The following VTI1B variants were observed in gnomAD, a reference collection of about 807,000 sequenced individuals.
VTI1B encodes the protein vesicle transport through interaction with t-SNAREs homolog 1B.
In VTI1B, 18 loss-of-function variants were observed where a neutral mutation model predicts 28.6. The observed-to-expected ratio is 0.63, with a 90% CI of 0.43 to 0.93. The LOEUF is 0.93. Ranked by LOEUF, VTI1B falls within the 40% of genes least tolerant of loss-of-function variation. VTI1B has a pLI of 0.00. For missense variants in VTI1B, 283 were observed against 297.0 expected (o/e 0.95, Z 0.35); for synonymous variants, 100 against 107.9 (o/e 0.93, Z 0.46).
intron 2 of VTI1B, among the ~76,000 whole-genome samples, chr14:67,661,278 C>CAAAAA (rs1208811725): frequency 1.6e-4 from 9 of 56,448 alleles, no homozygotes; most frequent in East Asian, 6.6e-4. Context: ...AGGGCTAGAG[C>CAAAAA]AAAAAAAAAA....
intron 5 of VTI1B, among the ~76,000 whole-genome samples, chr14:67,652,825 G>A (rs1475423683): frequency 2.6e-5 from 4 of 151,866 alleles, no homozygotes; most frequent in East Asian, 1.9e-4. Context: ...ACGGAGTCTC[G>A]CTTTGTCCCC....
At chr14:67,673,435 C>T (rs2140039917) in intron 1 of VTI1B, among the ~76,000 whole-genome samples, 1 of 152,308 alleles carries the variant, frequency 6.6e-6, no homozygotes, top group Admixed American at 6.5e-5. Flanking sequence ...TTAACACTGC[C>T]TCTTAATAGT....
At chr14:67,655,437 T>C (rs552413642) in intron 4 of VTI1B, among the ~76,000 whole-genome samples, 12 of 152,318 alleles carry the variant, frequency 7.9e-5, no homozygotes, top group African/African-American at 2.6e-4. Flanking sequence ...ATCCCTGATA[T>C]AGTCATCATT....
chr14:67,659,384 A>G (rs2037307087), intron 3 of VTI1B, among the ~76,000 whole-genome samples: 1 of 152,218 alleles, frequency 6.6e-6, no homozygotes, highest in Non-Finnish European at 1.5e-5. Context: ...AATAAAAAAG[A>G]TCAAGGAGAA....
intron 4 of VTI1B, 140 bp downstream of exon 4, chr14:67,656,276 T>C: frequency 2.4e-6 from 2 of 824,232 alleles, no homozygotes. Flanking sequence ...TAAATAAAAA[T>C]TGAGAAAAGC....
At chr14:67,662,587 T>C (rs775614551) in intron 1 of VTI1B, 52 bp from the exon 2 acceptor site, 1 of 1,498,876 alleles carries the variant, frequency 6.7e-7, no homozygotes, top group South Asian at 1.2e-5. Flanking sequence ...CACACATTTG[T>C]AAAGGCCATT....
rs1015159706 is a variant in VTI1B, at chr14:67,674,616, G to T, written c.-127C>A. On this transcript the variant is annotated 5_prime_UTR_variant, in exon 1 of 6. Transcript: ENST00000554659. ...GCCGCACCACCGCCGCCCAGGACGA[G>T]GCTCTTCCGGAGCCGCGGCAGGGTC... is the stretch of plus-strand genomic sequence containing the variant. 1 of 682,452 alleles carries T rather than the reference G, an allele frequency of 1.5e-6. No homozygotes were observed. The highest frequency in any genetic ancestry group is 1.9e-5 in the African/African-American group (1 of 52,442). 42.3% of individuals were successfully genotyped at this position (682,452 alleles called of 1,614,324 possible).
chr14:67,667,912 C>T (rs2140842420), intron 1 of VTI1B, among the ~76,000 whole-genome samples: 1 of 152,178 alleles, frequency 6.6e-6, no homozygotes, highest in East Asian at 1.9e-4. Context: ...CCACTGCACT[C>T]CAGCCTGGGT....
Position 67,648,396 on chromosome 14 carries a change from GTAA to G in VTI1B, c.*2986_*2988del, listed in dbSNP as rs2140785800. ...ATGGCTCTTACCAAATTACACTAAG[GTAA>G]TAATGAGTAAAAAATTGTATATTTA... On this transcript the variant is annotated 3_prime_UTR_variant, in exon 6 of 6. Coordinates refer to ENST00000554659, the MANE Select transcript of VTI1B (RefSeq NM_006370.3). 4.9e-6 allele frequency: 2 copies of G among 408,374 alleles called. No homozygotes were observed. The highest frequency in any genetic ancestry group is 8.6e-6 in the Non-Finnish European group (2 of 232,866). 25.3% of individuals were successfully genotyped at this position (408,374 alleles called of 1,614,324 possible). A position where few individuals can be genotyped will look rare whatever the true frequency, so the allele number is the denominator to read the frequency against.
At chr14:67,665,784 C>A (rs1056518953) in intron 1 of VTI1B, among the ~76,000 whole-genome samples, 10 of 152,072 alleles carry the variant, frequency 6.6e-5, no homozygotes, top group African/African-American at 2.4e-4. Flanking sequence ...TGTGTGCCAC[C>A]CCCTTAATAT....
chr14:67,647,236 TTC>T lies in VTI1B; in HGVS notation c.*4147_*4148del. The T allele has an allele frequency of 4.4e-6, 2 of 455,578 alleles. No individual in the cohort carries two copies. The highest frequency in any genetic ancestry group is 7.8e-6 in the Non-Finnish European group (2 of 257,896). The allele number at this position is 455,578 out of a possible 1,614,324, so 28.2% of individuals were successfully genotyped here. ...TTTCCTCTAAATCATTGCCTAGATC[TTC>T]TGTCTCATGAATTTTTCTTTATCTC... On this transcript the variant is annotated 3_prime_UTR_variant, in exon 6 of 6. Transcript: ENST00000554659.
chr14:67,657,617 C>CACAT (rs1051777919), intron 3 of VTI1B, among the ~76,000 whole-genome samples: 3 of 151,232 alleles, frequency 2.0e-5, no homozygotes, highest in South Asian at 2.1e-4. Flanking sequence ...CACACACACA[C>CACAT]ACACACCCAA....
chr14:67,661,914 T>C lies in VTI1B; in HGVS notation c.174+563A>G, dbSNP rs377229080. 2.6e-5 allele frequency among the ~76,000 whole-genome samples: 4 copies of C among 151,992 alleles called. No homozygotes were observed. In the East Asian group the frequency reaches 5.8e-4, roughly 22 times the overall value. On this transcript the variant is annotated intron_variant, in intron 2 of 5. Coordinates refer to ENST00000554659, the MANE Select transcript of VTI1B (RefSeq NM_006370.3). ...CTCATGCCTTGTAATCCCTGTACTT[T>C]GGGAGGCCGAGGCGGGCAGATCATG... is the stretch of plus-strand genomic sequence containing the variant.
intron 1 of VTI1B, 44 bp from the exon 2 acceptor site, chr14:67,662,579 C>G (rs1342355999): frequency 9.7e-6 from 15 of 1,551,018 alleles, no homozygotes; most frequent in Non-Finnish European, 1.2e-5. Context: ...ACTGTTTCCA[C>G]ACATTTGTAA....
chr14:67,669,814 C>A (rs974459738), intron 1 of VTI1B, among the ~76,000 whole-genome samples: 8 of 152,218 alleles, frequency 5.3e-5, no homozygotes, highest in African/African-American at 1.7e-4. Context: ...AAAACCAACT[C>A]TTGGGCCGGG....
chr14:67,657,104 A>C (rs2037268281), intron 3 of VTI1B: 1 of 152,330 alleles, frequency 6.6e-6, no homozygotes, highest in Non-Finnish European at 1.5e-5. Context: ...CTTCGTTTTA[A>C]GCCTCCAGCA....
At chr14:67,668,549 A>C (rs2037429579) in intron 1 of VTI1B, among the ~76,000 whole-genome samples, 1 of 152,240 alleles carries the variant, frequency 6.6e-6, no homozygotes, top group African/African-American at 2.4e-5. Context: ...AATAAATCAC[A>C]ATCATATATC....
At chr14:67,672,973 G>A (rs1365776539) in intron 1 of VTI1B, among the ~76,000 whole-genome samples, 2 of 152,176 alleles carry the variant, frequency 1.3e-5, no homozygotes, top group South Asian at 2.1e-4. Flanking sequence ...AAAGGCATTT[G>A]CAGTGCTATT....
At chr14:67,666,530 T>C (rs1449630385) in intron 1 of VTI1B, among the ~76,000 whole-genome samples, 2 of 152,246 alleles carry the variant, frequency 1.3e-5, no homozygotes, top group Non-Finnish European at 2.9e-5. Context: ...TTTGAAATCA[T>C]TTCTTGTGAT....
Sources: gnomAD v4.1 joint callset for allele counts (sites outside exome capture counted in the v4.1 genomes callset) on GRCh38, gnomAD v4.1.1 for gene constraint, MANE v1.5 for transcripts, NCBI Gene and HGNC (gene_info 2026-07-23, HGNC 2026-07-21) for gene names.